The following CSMD2 variants were observed in gnomAD, a reference collection of about 807,000 sequenced individuals.
The protein encoded by CSMD2 is CUB and Sushi multiple domains 2.
A neutral mutation model predicts 398.5 loss-of-function variants in CSMD2; 130 were observed. The observed-to-expected ratio is 0.33, with a 90% CI of 0.28 to 0.38. The LOEUF (loss-of-function observed/expected upper bound fraction) is 0.38. Ranked by LOEUF, CSMD2 falls within the 10% of genes least tolerant of loss-of-function variation. CSMD2 has a pLI of 1.00. For missense variants in CSMD2, 3,829 were observed against 4,764.9 expected, an observed-to-expected ratio of 0.80 and a Z score of 5.78; for synonymous variants, 1,828 against 1,908.5, an observed-to-expected ratio of 0.96 and a Z score of 1.10.
chr1:33,921,019 A>G (rs1643918887), intron 4 of CSMD2, among the ~76,000 whole-genome samples: 2 of 152,192 alleles, frequency 1.3e-5, no homozygotes, highest in South Asian at 4.1e-4. Flanking sequence ...GGGACTTATT[A>G]GGCAGGACCG....
Position 33,810,626 on chromosome 1 carries a change from G to C in CSMD2, c.1446+117C>G, listed in dbSNP as rs186815068. The C allele has an allele frequency of 1.6e-5, 16 of 996,236 alleles. No homozygotes were observed. The Admixed American group carries it at 2.4e-4, about 15-fold the overall frequency. The allele number at this position is 996,236 out of a possible 1,614,324, so 61.7% of individuals were successfully genotyped here. A position where few individuals can be genotyped will look rare whatever the true frequency, so the allele number is the denominator to read the frequency against. On this transcript the variant is annotated intron_variant, in intron 10 of 70. Coordinates refer to ENST00000373381, the MANE Select transcript of CSMD2 (RefSeq NM_001281956.2). ...GATATTAATAAAAAAAAAAGTAAAA[G>C]AACTGTCTGCAGAGAATCTACCATC...
chr1:34,096,880 A>C (rs1438267984), intron 1 of CSMD2, among the ~76,000 whole-genome samples: 178 of 144,770 alleles, frequency 1.2e-3, no homozygotes, highest in African/African-American at 4.5e-3. Context: ...CAAGCTACCA[A>C]TGCCTTTCTT....
chr1:33,542,097 C>T (rs1308846737), intron 58 of CSMD2, among the ~76,000 whole-genome samples: 1 of 152,204 alleles, frequency 6.6e-6, no homozygotes, highest in Non-Finnish European at 1.5e-5. Flanking sequence ...AAATCACAGA[C>T]TAGGACTTTG....
chr1:34,061,335 ATGGCTGTCCATCCT>A (rs1341593400), intron 2 of CSMD2, among the ~76,000 whole-genome samples: 1 of 152,146 alleles, frequency 6.6e-6, no homozygotes, highest in Non-Finnish European at 1.5e-5. Flanking sequence ...CTGTGCTCTG[ATGGCTGTCCATCCT>A]TGGCTGATCC....
chr1:33,852,693 A>G (rs989977911), intron 5 of CSMD2, among the ~76,000 whole-genome samples: 6 of 152,248 alleles, frequency 3.9e-5, no homozygotes, highest in African/African-American at 1.4e-4. Flanking sequence ...GGCAAGCTCC[A>G]TGGGAGCTGG....
At chr1:33,927,199 C>A (rs1318990154) in intron 4 of CSMD2, among the ~76,000 whole-genome samples, 1 of 152,166 alleles carries the variant, frequency 6.6e-6, no homozygotes, top group Non-Finnish European at 1.5e-5. Flanking sequence ...CATGCTGGGG[C>A]CCCCAGAACT....
In CSMD2 at chr1:33,861,687, T is replaced by C. The variant is rs781584986; in HGVS notation, c.921-14691A>G. 2.8e-4 allele frequency among the ~76,000 whole-genome samples: 43 copies of C among 152,094 alleles called. 2 individuals carry two copies. The highest frequency in any genetic ancestry group is 1.9e-4 in the Non-Finnish European group (13 of 68,016). Reference sequence around the variant, plus strand: ...GCAGGAAACAGATGGCCACTCAAATTAAAATGATTGGTGAGGGCAGAGTGT... The same window carrying C: ...GCAGGAAACAGATGGCCACTCAAATCAAAATGATTGGTGAGGGCAGAGTGT... On this transcript the variant is annotated intron_variant, in intron 5 of 70. Coordinates refer to ENST00000373381, the MANE Select transcript of CSMD2 (RefSeq NM_001281956.2).
intron 5 of CSMD2, among the ~76,000 whole-genome samples, chr1:33,886,418 C>T (rs1267870902): frequency 1.3e-5 from 2 of 152,194 alleles, no homozygotes; most frequent in Non-Finnish European, 2.9e-5. Context: ...GGAGGCAGAA[C>T]TGGCAGGACT....
intron 3 of CSMD2, among the ~76,000 whole-genome samples, chr1:33,943,423 A>G (rs2125347418): frequency 6.6e-6 from 1 of 152,336 alleles, no homozygotes; most frequent in East Asian, 1.9e-4. Flanking sequence ...TGTCTTGTAT[A>G]ACCCATAAGA....
At chr1:33,719,908 C>T (rs533504964) in intron 19 of CSMD2, among the ~76,000 whole-genome samples, 57 of 152,302 alleles carry the variant, frequency 3.7e-4, no homozygotes, top group African/African-American at 1.3e-3. Context: ...ATCTAACTCC[C>T]GGAAAGCCTC....
At chr1:33,729,044 C>A (rs1169427608) in intron 15 of CSMD2, among the ~76,000 whole-genome samples, 1 of 152,170 alleles carries the variant, frequency 6.6e-6, no homozygotes, top group African/African-American at 2.4e-5. Context: ...CCCATTGTTA[C>A]AATACAGGTT....
intron 1 of CSMD2, among the ~76,000 whole-genome samples, chr1:34,142,219 C>T (rs947663110): frequency 3.9e-5 from 6 of 152,164 alleles, no homozygotes; most frequent in Non-Finnish European, 8.8e-5. Context: ...GTCCTGGCGG[C>T]CCCCTCAGTC....
At chr1:34,022,613 C>T (rs1649062656) in intron 3 of CSMD2, among the ~76,000 whole-genome samples, 1 of 152,030 alleles carries the variant, frequency 6.6e-6, no homozygotes, top group Admixed American at 6.5e-5. Context: ...TTAGTTTAGG[C>T]AGAGAACAGA....
intron 6 of CSMD2, among the ~76,000 whole-genome samples, chr1:33,832,305 A>G (rs1279061991): frequency 6.6e-6 from 1 of 152,014 alleles, no homozygotes; most frequent in Non-Finnish European, 1.5e-5. Flanking sequence ...AAATTATAAC[A>G]AACTGTCTCT....
upstream of CSMD2, chr1:34,165,722 G>C (rs934745198): frequency 6.2e-7 from 1 of 1,610,888 alleles, no homozygotes; most frequent in Non-Finnish European, 8.5e-7. Flanking sequence ...AAAGAAGGAC[G>C]CGTTCCCCAA....
At chr1:33,990,204 G>A (rs9286947) in intron 3 of CSMD2, among the ~76,000 whole-genome samples, 68,863 of 151,602 alleles carry the variant, frequency 0.45, 16,153 homozygotes, top group African/African-American at 0.58. Flanking sequence ...CCTGGGAGGC[G>A]GATGTTGCAG....
chr1:33,819,945 C>T (rs1390643042), intron 8 of CSMD2, 108 bp from the exon 9 acceptor site: 1 of 1,378,350 alleles, frequency 7.3e-7, no homozygotes, highest in Non-Finnish European at 1.0e-6. Context: ...TTCCTTCTGG[C>T]CCTTAATCTC....
chr1:33,772,602 T>G lies in CSMD2; in HGVS notation c.1813A>C (p.Asn605His), dbSNP rs988142933. ...GQKAITCQKN[N>H]QWSAKKPGCV... The stretch of plus-strand genomic sequence containing the variant: ...CCTGGCTTCTTAGCCGACCATTGGT[T>G]ATTCTTTTGGCATGTGATTGCCTTC... Residue 605 changes from asparagine to histidine, a missense_variant, in exon 13 of 71, where the codon AAC (asparagine) becomes CAC (histidine). By Grantham distance (68) the Asn-to-His change is moderately conservative. Around this residue, in one of 5 missense-constraint regions of CSMD2, gnomAD observed 2,001 missense variants for 2,567.1 expected, o/e 0.78. Coordinates refer to ENST00000373381, the MANE Select transcript of CSMD2 (RefSeq NM_001281956.2). The G allele has an allele frequency of 3.1e-6, 5 of 1,613,872 alleles. No individual in the cohort carries two copies. In the African/African-American group the frequency reaches 5.3e-5, roughly 17 times the overall value.
intron 41 of CSMD2, chr1:33,605,764 G>C (rs1045197029): frequency 2.1e-6 from 2 of 974,956 alleles, no homozygotes; most frequent in Non-Finnish European, 3.1e-6. Context: ...GGAAAAGGAG[G>C]CTCAAGGAAG....
Sources: allele counts gnomAD v4.1 joint callset (sites outside exome capture counted in the v4.1 genomes callset), GRCh38; gene constraint gnomAD v4.1.1; regional missense constraint gnomAD v4.1.1; transcripts MANE v1.5; gene names NCBI Gene and HGNC (gene_info 2026-07-23, HGNC 2026-07-21).